The following ALPK1 variants were observed in gnomAD, a reference collection of about 807,000 sequenced individuals.
ALPK1 encodes alpha-protein kinase 1.
ALPK1 carries 110 observed loss-of-function variants against 120.6 expected under a neutral mutation model. That is an observed-to-expected ratio of 0.91 (90% CI 0.78 to 1.07). The LOEUF (loss-of-function observed/expected upper bound fraction) is 1.07. ALPK1 is among the 50% of genes least tolerant of loss of function. ALPK1 has a pLI of 0.00. For missense variants in ALPK1, 1,498 were observed against 1,483.9 expected (o/e 1.01, Z -0.16); for synonymous variants, 582 against 560.3 (o/e 1.04, Z -0.55).
chr4:112,342,164 T>A (rs977284467), intron 2 of ALPK1, among the ~76,000 whole-genome samples: 1 of 152,230 alleles, frequency 6.6e-6, no homozygotes, highest in Non-Finnish European at 1.5e-5. Flanking sequence ...GCCACTTGTT[T>A]AGAAGGTCCA....
At chr4:112,374,546 T>C (rs1415590475) in intron 2 of ALPK1, among the ~76,000 whole-genome samples, 1 of 152,204 alleles carries the variant, frequency 6.6e-6, no homozygotes, top group Non-Finnish European at 1.5e-5. Flanking sequence ...TGATTCCTTT[T>C]CAGAAGGTCC....
chr4:112,322,499 TA>T (rs1212415975), intron 2 of ALPK1, among the ~76,000 whole-genome samples: 2 of 152,318 alleles, frequency 1.3e-5, no homozygotes, highest in East Asian at 3.9e-4. Flanking sequence ...TATAAACATT[TA>T]ACAACAACAA....
At position 112,412,149 on chromosome 4, in the gene ALPK1, C is replaced by T. The variant is rs1733508818; in HGVS notation, c.475+124C>T. The stretch of plus-strand genomic sequence containing the variant: ...GGCCCTGCGTGCCATCTTTCCGAGC[C>T]CGGGGCTCCCCTCCCCCGCCCCTGT... On this transcript the variant is annotated intron_variant, in intron 5 of 15. Transcript: ENST00000650871. 3 of 1,143,254 alleles carry T rather than the reference C, an allele frequency of 2.6e-6. No homozygotes were observed. The Admixed American group carries it at 6.0e-5, about 23-fold the overall frequency. The allele number at this position is 1,143,254 out of a possible 1,614,324, so 70.8% of individuals were successfully genotyped here.
chr4:112,356,474 C>A, intron 2 of ALPK1: 1 of 952,748 alleles, frequency 1.0e-6, no homozygotes, highest in Non-Finnish European at 1.7e-6. Flanking sequence ...CCTTTAGGAC[C>A]CACTCGCAAC....
chr4:112,357,306 C>A lies in ALPK1; in HGVS notation c.-100-20372C>A, dbSNP rs553379414. 11 of 956,558 alleles carry A rather than the reference C, an allele frequency of 1.1e-5. No individual in the cohort carries two copies. In the African/African-American group the frequency reaches 1.3e-4, roughly 11 times the overall value. 59.3% of individuals were successfully genotyped at this position (956,558 alleles called of 1,614,324 possible). The stretch of plus-strand genomic sequence containing the variant: ...AACACAGCCGGACTGCAGAAGCTGG[C>A]GGATATTGTCCAGATTGTGTTCAGT... On this transcript the variant is annotated intron_variant, in intron 2 of 15. Coordinates refer to ENST00000650871, the MANE Select transcript of ALPK1 (RefSeq NM_025144.4).
Position 112,432,284 on chromosome 4 carries a change from C to G in ALPK1, c.2737C>G (p.Gln913Glu), listed in dbSNP as rs1195453892. The G allele has an allele frequency of 6.2e-7, 1 of 1,614,098 alleles. No homozygotes were observed. ...CTGCACTACCACAGAGGAAGGAAATCAGCCTGGAAACATGCTAAACTGCAG... is the reference window on the plus strand; with the variant it reads ...CTGCACTACCACAGAGGAAGGAAATGAGCCTGGAAACATGCTAAACTGCAG... ...EDCTTTEEGN[Q>E]PGNMLNCSQN... Residue 913 changes from glutamine (Q) to glutamate (E), a missense_variant, in exon 11 of 16, where the codon CAG becomes GAG. Transcript: ENST00000650871.
chr4:112,341,700 C>A (rs1729870578), intron 2 of ALPK1, among the ~76,000 whole-genome samples: 2 of 152,186 alleles, frequency 1.3e-5, no homozygotes, highest in Admixed American at 6.5e-5. Context: ...CTGGTCACTT[C>A]TGAGGTCATT....
At position 112,432,165 on chromosome 4, in the gene ALPK1, G is replaced by T. The variant is rs34946272; in HGVS notation, c.2618G>T (p.Arg873Ile). Residue 873 changes from arginine to isoleucine, a missense_variant, in exon 11 of 16, where the codon AGA becomes ATA. By Grantham distance (97) the Arg-to-Ile change is moderately conservative (BLOSUM62 -3). Coordinates refer to ENST00000650871, the MANE Select transcript of ALPK1 (RefSeq NM_025144.4). ...TGCACAAATGGGCACGGCTCTCATA[G>T]ACTGTGCATTCTGAGACAGCCGCCT... ...VPCTNGHGSHRLCILRQPPGQ... is the reference protein window; with the variant it reads ...VPCTNGHGSHILCILRQPPGQ... 8.2e-3 allele frequency: 13,297 copies of T among 1,614,204 alleles called. 77 individuals are homozygous for T. Among genetic ancestry groups the T allele is most frequent in the Non-Finnish European group, 9.9e-3 (11,645 of 1,180,036 alleles).
intron 5 of ALPK1, among the ~76,000 whole-genome samples, chr4:112,418,875 C>A (rs1432377910): frequency 6.6e-6 from 1 of 152,144 alleles, no homozygotes; most frequent in East Asian, 1.9e-4. Flanking sequence ...AAAAAAAGTA[C>A]CTCATTACTG....
intron 2 of ALPK1, chr4:112,358,865 T>C (rs888292460): frequency 1.3e-4 from 104 of 780,636 alleles, no homozygotes; most frequent in Non-Finnish European, 1.1e-4. Flanking sequence ...AGGGTTCCGA[T>C]GACTTTGCTG....
At chr4:112,434,993 G>A (rs751635823) in intron 11 of ALPK1, among the ~76,000 whole-genome samples, 155 bp from the exon 12 acceptor site, 1 of 152,104 alleles carries the variant, frequency 6.6e-6, no homozygotes, top group Non-Finnish European at 1.5e-5. Flanking sequence ...TTTTAATACT[G>A]TAGTTGTCAT....
intron 4 of ALPK1, among the ~76,000 whole-genome samples, chr4:112,399,775 T>G (rs1732827069): frequency 6.6e-6 from 1 of 151,936 alleles, no homozygotes; most frequent in South Asian, 2.1e-4. Context: ...CAGGCCCCGG[T>G]GTGTGATGTT....
rs376548313 is a variant in ALPK1, at chr4:112,426,437, C to G, written c.623-30C>G. The G allele has an allele frequency of 4.8e-4, 753 of 1,574,038 alleles. 1 individual carries two copies. Among genetic ancestry groups the G allele is most frequent in the Non-Finnish European group, 6.4e-4 (735 of 1,151,778 alleles). On this transcript the variant is annotated intron_variant, in intron 7 of 15. Transcript: ENST00000650871. ...CAGATACTAGCTGTTCCTCCCCTGT[C>G]CCTCTCCCCGCCCCTCTTTTTTTTT...
intron 2 of ALPK1, among the ~76,000 whole-genome samples, chr4:112,341,508 C>G (rs573118462): frequency 6.6e-6 from 1 of 152,150 alleles, no homozygotes; most frequent in South Asian, 2.1e-4. Context: ...AGGGTTTTGT[C>G]ACTTCAAAGC....
chr4:112,368,307 A>G (rs1482162086), intron 2 of ALPK1, among the ~76,000 whole-genome samples: 1 of 151,986 alleles, frequency 6.6e-6, no homozygotes, highest in Admixed American at 6.6e-5. Context: ...CTTATTCTTA[A>G]TCTGCTTATG....
chr4:112,335,643 A>G (rs1033963824), intron 2 of ALPK1, among the ~76,000 whole-genome samples: 1 of 152,236 alleles, frequency 6.6e-6, no homozygotes. Context: ...TTCAAGCCAC[A>G]TAATCTGGAG....
Position 112,441,065 on chromosome 4 carries a change from C to A in ALPK1, c.3687C>A (p.Cys1229Ter), listed in dbSNP as rs1291483090. 1 of 1,613,810 alleles carries A rather than the reference C, an allele frequency of 6.2e-7. No homozygotes were observed. Among genetic ancestry groups the A allele is most frequent in the Non-Finnish European group, 8.5e-7 (1 of 1,179,806 alleles). ...NNQHVECNEI[C>*]HRLSLTRPSM... ...AGCATGTGGAATGTAATGAAATCTG[C>A]CATCGTCTTTCTTTGACTAGACCTT... is the stretch of plus-strand genomic sequence containing the variant. Residue 1229 changes from cysteine (C) to a stop codon, truncating the protein, a stop_gained, in exon 15 of 16, where the codon TGC becomes TGA. Transcript: ENST00000650871. LOFTEE classifies it low-confidence loss of function (END_TRUNC).
chr4:112,334,722 C>T (rs1254911673), intron 2 of ALPK1, among the ~76,000 whole-genome samples: 2 of 152,120 alleles, frequency 1.3e-5, no homozygotes, highest in Admixed American at 6.5e-5. Flanking sequence ...TTATTTTAAA[C>T]TAGGTAACTC....
chr4:112,370,793 G>C (rs60842497), intron 2 of ALPK1, among the ~76,000 whole-genome samples: 1 of 152,176 alleles, frequency 6.6e-6, no homozygotes, highest in African/African-American at 2.4e-5. Flanking sequence ...TATGAAGAAT[G>C]TCTTCAGTAC....
Sources: allele counts gnomAD v4.1 joint callset (sites outside exome capture counted in the v4.1 genomes callset), GRCh38; gene constraint gnomAD v4.1.1; transcripts MANE v1.5; gene names NCBI Gene and HGNC (gene_info 2026-07-23, HGNC 2026-07-21).